DENND6A: variants seen among roughly 807,000 people sequenced by gnomAD.
DENND6A encodes the protein DENN domain containing 6A, also known as protein DENND6A.
Under a neutral mutation model 95.5 loss-of-function variants are expected in DENND6A, and 43 were observed. The observed-to-expected ratio is 0.45, with a 90% CI of 0.35 to 0.58. The LOEUF is 0.58. Ranked by LOEUF, DENND6A falls within the 20% of genes least tolerant of loss-of-function variation. The probability of loss-of-function intolerance (pLI) is 0.00; values close to 1 mark genes in which losing one functional copy is unlikely to be tolerated. For missense variants in DENND6A, 574 were observed against 736.0 expected (o/e 0.78, Z 2.55); for synonymous variants, 257 against 260.4 (o/e 0.99, Z 0.13).
Position 57,654,890 on chromosome 3 carries a change from G to A in DENND6A, c.818+2790C>T, listed in dbSNP as rs78488152. 1,994 of 709,968 alleles carry A rather than the reference G, an allele frequency of 2.8e-3. 22 individuals carry two copies. In the African/African-American group the frequency reaches 0.036, roughly 13 times the overall value. 44.0% of individuals were successfully genotyped at this position (709,968 alleles called of 1,614,324 possible). A position where few individuals can be genotyped will look rare whatever the true frequency, so the allele number is the denominator to read the frequency against. ...TAAACTTTCATTCACACTAATAAAC[G>A]TGAAATGTAAGCTCTACAGAAACAA... On this transcript the variant is annotated intron_variant, in intron 9 of 19. Transcript: ENST00000311128.
chr3:57,688,676 C>T (rs1213168099), intron 1 of DENND6A, among the ~76,000 whole-genome samples: 1 of 126,840 alleles, frequency 7.9e-6, no homozygotes, highest in African/African-American at 2.5e-5. Flanking sequence ...CATGCAAAGA[C>T]CAAAGACAAA....
Position 57,646,302 on chromosome 3 carries a change from C to T in DENND6A, c.941+14G>A. On this transcript the variant is annotated intron_variant, in intron 10 of 19. Transcript: ENST00000311128. Reference sequence around the variant, plus strand: ...CAAAAAAAAAACCCAGAAATAGTAACCAAATAGACTCACTTAACAAGTGCC... The same window carrying T: ...CAAAAAAAAAACCCAGAAATAGTAATCAAATAGACTCACTTAACAAGTGCC... The T allele has an allele frequency of 1.3e-6, 2 of 1,596,210 alleles. No homozygotes were observed. The highest frequency in any genetic ancestry group is 1.7e-6 in the Non-Finnish European group (2 of 1,174,400).
intron 15 of DENND6A, among the ~76,000 whole-genome samples, chr3:57,631,718 T>C (rs988575722): frequency 5.8e-5 from 4 of 68,568 alleles, no homozygotes; most frequent in African/African-American, 8.2e-5. Context: ...TCTGCTCTCT[T>C]TTTTTTTTTT....
At chr3:57,654,741 G>C (rs1018321454) in intron 9 of DENND6A, 1 of 985,156 alleles carries the variant, frequency 1.0e-6, no homozygotes, top group African/African-American at 1.7e-5. Context: ...CTAGTGAAAG[G>C]AGCGCCTACA....
intron 11 of DENND6A, 58 bp from the exon 12 acceptor site, chr3:57,641,805 C>T: frequency 7.1e-7 from 1 of 1,414,104 alleles, no homozygotes; most frequent in Middle Eastern, 1.9e-4. Flanking sequence ...AATGCTAAAT[C>T]AGTGAAGAAT....
chr3:57,672,035 T>C (rs1378005548), intron 3 of DENND6A, among the ~76,000 whole-genome samples: 2 of 152,216 alleles, frequency 1.3e-5, no homozygotes, highest in Admixed American at 6.5e-5. Flanking sequence ...TAAGAGTTTA[T>C]TGTTCCTTGA....
chr3:57,689,952 TACTC>T (rs916378733), intron 1 of DENND6A, among the ~76,000 whole-genome samples: 3 of 151,382 alleles, frequency 2.0e-5, no homozygotes, highest in Admixed American at 6.6e-5. Flanking sequence ...TATTCATAGA[TACTC>T]AGGAGGATCC....
Position 57,628,356 on chromosome 3 carries a change from A to C in DENND6A, c.1696-11T>G. The stretch of plus-strand genomic sequence containing the variant: ...TCGATCAGCCTGCAACTACATAAGG[A>C]ACATTTCATAACATTTAAATTATCC... On this transcript the variant is annotated splice_polypyrimidine_tract_variant and intron_variant, in intron 19 of 19. Transcript: ENST00000311128. The C allele has an allele frequency of 1.2e-6, 2 of 1,610,438 alleles. No homozygotes were observed. Among genetic ancestry groups the C allele is most frequent in the Non-Finnish European group, 1.7e-6 (2 of 1,178,756 alleles).
At chr3:57,689,319 A>G (rs1380758418) in intron 1 of DENND6A, among the ~76,000 whole-genome samples, 2 of 152,170 alleles carry the variant, frequency 1.3e-5, no homozygotes, top group African/African-American at 4.8e-5. Flanking sequence ...ACTCAGAAAA[A>G]AAAAAAAAAC....
intron 9 of DENND6A, among the ~76,000 whole-genome samples, chr3:57,650,417 T>TACACAC (rs1317323281): frequency 1.2e-5 from 1 of 80,088 alleles, no homozygotes; most frequent in Non-Finnish European, 2.9e-5. Context: ...TACATGCATT[T>TACACAC]ACATACACAC....
chr3:57,662,109 G>A (rs2071432521), intron 5 of DENND6A, among the ~76,000 whole-genome samples: 1 of 151,442 alleles, frequency 6.6e-6, no homozygotes, highest in African/African-American at 2.4e-5. Context: ...GTACAAAAGG[G>A]AAAGGTATGT....
chr3:57,662,674 A>C (rs1041246739), intron 5 of DENND6A, among the ~76,000 whole-genome samples: 1 of 152,112 alleles, frequency 6.6e-6, no homozygotes, highest in Admixed American at 6.6e-5. Flanking sequence ...TAAAATGTAA[A>C]ACTTAAGTGG....
At chr3:57,672,884 G>C (rs1188591620) in intron 1 of DENND6A, among the ~76,000 whole-genome samples, 1 of 151,782 alleles carries the variant, frequency 6.6e-6, no homozygotes, top group Non-Finnish European at 1.5e-5. Flanking sequence ...CAGATGCACG[G>C]ATAAAGAAAA....
chr3:57,668,382 C>T (rs1337733005), intron 3 of DENND6A, among the ~76,000 whole-genome samples: 1 of 152,196 alleles, frequency 6.6e-6, no homozygotes, highest in Non-Finnish European at 1.5e-5. Context: ...ACTCTCTCTA[C>T]TAATGCTGAG....
intron 5 of DENND6A, among the ~76,000 whole-genome samples, chr3:57,663,128 G>A (rs1381819402): frequency 7.1e-6 from 1 of 140,980 alleles, no homozygotes; most frequent in Non-Finnish European, 1.5e-5. Context: ...TCCAGCCTGG[G>A]CGACAAGAGC....
At chr3:57,628,958 G>T in intron 18 of DENND6A, 73 bp from the exon 19 acceptor site, 1 of 1,352,136 alleles carries the variant, frequency 7.4e-7, no homozygotes. Context: ...AATAGGTAAG[G>T]CTACTGTGAA....
chr3:57,689,022 C>T (rs2077237029), intron 1 of DENND6A, among the ~76,000 whole-genome samples: 2 of 151,864 alleles, frequency 1.3e-5, no homozygotes, highest in South Asian at 2.1e-4. Context: ...TGCAGTGGCC[C>T]GATCTTACTG....
In DENND6A at chr3:57,634,564, T is replaced by C; in HGVS notation, c.1257A>G (p.Leu419=). 7.3e-7 allele frequency: 1 copy of C among 1,377,948 alleles called. No individual in the cohort carries two copies. The allele number at this position is 1,377,948 out of a possible 1,614,324, so 85.4% of individuals were successfully genotyped here. Residue 419 remains leucine, a synonymous_variant, in exon 14 of 20, where the codon TTA becomes TTG. Transcript: ENST00000311128. ...AATATGAGCAACTAATTACCTTCTG[T>C]AATTGTTTTATGATCTCTTCATCTC... is the stretch of plus-strand genomic sequence containing the variant. ...LNRDEEIIKQ[L]QKGVQQKRPS... is the part of the protein sequence containing the mutation.
rs1575848653 is a variant in DENND6A at position 57,663,790 on chromosome 3, T to C, written c.433-74A>G. On this transcript the variant is annotated intron_variant, in intron 4 of 19. Coordinates refer to ENST00000311128, the MANE Select transcript of DENND6A (RefSeq NM_152678.3). ...GTATCTATATCTATATCCATATCTA[T>C]ATCTTTTAATATTAACATCAGGCTC... The C allele has an allele frequency of 1.4e-5, 11 of 795,712 alleles. No individual in the cohort carries two copies. The East Asian group carries it at 2.8e-4, about 21-fold the overall frequency. The allele number at this position is 795,712 out of a possible 1,614,324, so 49.3% of individuals were successfully genotyped here. A position where few individuals can be genotyped will look rare whatever the true frequency, so the allele number is the denominator to read the frequency against.
Sources: gnomAD v4.1 joint callset for allele counts (sites outside exome capture counted in the v4.1 genomes callset) on GRCh38, gnomAD v4.1.1 for gene constraint, MANE v1.5 for transcripts, NCBI Gene and HGNC (gene_info 2026-07-23, HGNC 2026-07-21) for gene names.